CCNYL1: variants seen among roughly 807,000 people sequenced by gnomAD.
CCNYL1 encodes cyclin-Y-like protein 1.
A neutral mutation model predicts 44.2 loss-of-function variants in CCNYL1; 16 were observed. The observed-to-expected ratio is 0.36, with a 90% confidence interval of 0.25 to 0.55. CCNYL1 has a LOEUF of 0.55. CCNYL1 is among the 20% of genes least tolerant of loss of function. The pLI is 0.85. For missense variants in CCNYL1, 348 were observed against 451.8 expected, an observed-to-expected ratio of 0.77 and a Z score of 2.08; for synonymous variants, 159 against 163.2, an observed-to-expected ratio of 0.97 and a Z score of 0.20.
intron 4 of CCNYL1, 37 bp downstream of exon 4, chr2:207,734,084 A>T (rs769200164): frequency 6.0e-6 from 8 of 1,323,644 alleles, no homozygotes; most frequent in Non-Finnish European, 8.7e-6. Flanking sequence ...TGAGTGACAG[A>T]CCCCCTTATG....
intron 7 of CCNYL1, 57 bp from the exon 8 acceptor site, chr2:207,746,990 A>T: frequency 7.2e-7 from 1 of 1,381,596 alleles, no homozygotes; most frequent in Admixed American, 2.1e-5. Flanking sequence ...AAAAAAAAAA[A>T]GCTTATCAAA....
intron 1 of CCNYL1, among the ~76,000 whole-genome samples, chr2:207,716,289 C>T (rs2105816711): frequency 6.6e-6 from 1 of 151,546 alleles, no homozygotes; most frequent in African/African-American, 2.4e-5. Flanking sequence ...TGTGGAAAAA[C>T]CTCTGAGCAA....
chr2:207,729,454 C>T (rs1027464958), intron 3 of CCNYL1, among the ~76,000 whole-genome samples: 6 of 151,890 alleles, frequency 4.0e-5, no homozygotes, highest in African/African-American at 1.5e-4. Flanking sequence ...ATTCCTTTTT[C>T]CTATTGTTTT....
intron 7 of CCNYL1, among the ~76,000 whole-genome samples, chr2:207,744,356 T>G (rs1390642795): frequency 6.6e-6 from 1 of 151,596 alleles, no homozygotes; most frequent in East Asian, 1.9e-4. Context: ...CAGGAAGGTT[T>G]TTTTTGTTTT....
In CCNYL1 at chr2:207,724,741, T is replaced by G. The variant is rs2091666908; in HGVS notation, c.221-59T>G. The G allele has an allele frequency of 4.9e-6, 6 of 1,234,520 alleles. No homozygotes were observed. The East Asian group carries it at 1.4e-4, about 29-fold the overall frequency. The allele number at this position is 1,234,520 out of a possible 1,614,324, so 76.5% of individuals were successfully genotyped here. A position where few individuals can be genotyped will look rare whatever the true frequency, so the allele number is the denominator to read the frequency against. On this transcript the variant is annotated intron_variant, in intron 1 of 9. Transcript: ENST00000295414. ...TGATTAAAATGGATGTGTATCTATT[T>G]CAGAAATCATCTTTTCTACTCACCT...
chr2:207,727,222 C>G (rs868384464), intron 3 of CCNYL1, among the ~76,000 whole-genome samples: 1 of 152,022 alleles, frequency 6.6e-6, no homozygotes, highest in Non-Finnish European at 1.5e-5. Flanking sequence ...TGTTGACTTC[C>G]TGTCATAACA....
At position 207,750,020 on chromosome 2, in the gene CCNYL1, A is replaced by G. The variant is rs6715463; in HGVS notation, c.807-937A>G. On this transcript the variant is annotated intron_variant, in intron 8 of 9. Coordinates refer to ENST00000295414, the MANE Select transcript of CCNYL1 (RefSeq NM_001330218.2). ...TGTTTATTTGCTTAAGCATTTGGCA[A>G]GGGCAGCTGTGTGGTCATGTAGCCG... Among the ~76,000 whole-genome samples the G allele has an allele frequency of 1.9e-3, 289 of 152,260 alleles. 1 individual carries two copies. Among genetic ancestry groups the G allele is most frequent in the African/African-American group, 6.6e-3 (274 of 41,564 alleles).
chr2:207,728,183 C>T lies in CCNYL1; in HGVS notation c.330+1307C>T, dbSNP rs544694978. Among the ~76,000 whole-genome samples, 40 of 151,988 alleles carry T rather than the reference C, an allele frequency of 2.6e-4. No individual in the cohort carries two copies. In the South Asian group the frequency reaches 5.2e-3, roughly 20 times the overall value. On this transcript the variant is annotated intron_variant, in intron 3 of 9. Transcript: ENST00000295414. ...TTCACCATGTTGGCCAGGCTGGTCT[C>T]GAACTCCTGACCTCAGGTGATCTGC... is the stretch of plus-strand genomic sequence containing the variant.
At chr2:207,735,357 C>T (rs942141531) in intron 4 of CCNYL1, among the ~76,000 whole-genome samples, 3 of 152,194 alleles carry the variant, frequency 2.0e-5, no homozygotes, top group South Asian at 2.1e-4. Context: ...GAATCACTTA[C>T]GCAACTTTTT....
chr2:207,711,822 G>T lies in CCNYL1; in HGVS notation c.-75G>T. The T allele has an allele frequency of 4.8e-6, 5 of 1,040,292 alleles. No homozygotes were observed. Among genetic ancestry groups the T allele is most frequent in the African/African-American group, 1.7e-5 (1 of 59,650 alleles). 64.4% of individuals were successfully genotyped at this position (1,040,292 alleles called of 1,614,324 possible). ...CCGGTGCCGGCCGCGCCATTGTTGG[G>T]GGAGGGGGCGGCTGTTGAGGGCGGC... On this transcript the variant is annotated 5_prime_UTR_variant, in exon 1 of 10. Transcript: ENST00000295414.
chr2:207,737,529 ACAT>A, intron 5 of CCNYL1, 83 bp downstream of exon 5: 1 of 1,117,136 alleles, frequency 9.0e-7, no homozygotes, highest in South Asian at 1.4e-5. Flanking sequence ...ATAACTATAG[ACAT>A]CATAAGCTAT....
At chr2:207,732,802 A>G (rs1393122511) in intron 3 of CCNYL1, among the ~76,000 whole-genome samples, 1 of 152,234 alleles carries the variant, frequency 6.6e-6, no homozygotes, top group East Asian at 1.9e-4. Context: ...GAGGGCTCAA[A>G]AAGTTCATAG....
At chr2:207,723,521 A>T (rs1259464819) in intron 1 of CCNYL1, among the ~76,000 whole-genome samples, 1 of 152,152 alleles carries the variant, frequency 6.6e-6, no homozygotes, top group Non-Finnish European at 1.5e-5. Flanking sequence ...TATCGCCTTA[A>T]CTGTTACTCT....
intron 1 of CCNYL1, among the ~76,000 whole-genome samples, chr2:207,722,687 G>T (rs1022942882): frequency 6.6e-6 from 1 of 151,982 alleles, no homozygotes. Context: ...GAGGCTGGGT[G>T]TGGTGGCTCA....
At chr2:207,752,522 A>G (rs1321752004) in intron 9 of CCNYL1, among the ~76,000 whole-genome samples, 1 of 149,742 alleles carries the variant, frequency 6.7e-6, no homozygotes, top group Non-Finnish European at 1.5e-5. Flanking sequence ...CGATAGAGCA[A>G]GACCCTTGTC....
rs549137205 is a variant in CCNYL1 at position 207,741,106 on chromosome 2, T to G, written c.519+400T>G. ...CCGTCTCTACTAAAAATACAAAAAATTAGCCGGGCACGGTGGCAGGCGCCT... is the reference window on the plus strand; with the variant it reads ...CCGTCTCTACTAAAAATACAAAAAAGTAGCCGGGCACGGTGGCAGGCGCCT... On this transcript the variant is annotated intron_variant, in intron 6 of 9. Transcript: ENST00000295414. Among the ~76,000 whole-genome samples the G allele has an allele frequency of 9.4e-4, 142 of 150,980 alleles. 1 individual carries two copies. The highest frequency in any genetic ancestry group is 3.4e-3 in the Middle Eastern group (1 of 294).
chr2:207,743,578 C>G (rs1244959907), intron 7 of CCNYL1, among the ~76,000 whole-genome samples: 1 of 151,900 alleles, frequency 6.6e-6, no homozygotes, highest in Non-Finnish European at 1.5e-5. Flanking sequence ...AGCAAGACCC[C>G]CATCTCTAAA....
intron 3 of CCNYL1, among the ~76,000 whole-genome samples, chr2:207,730,160 T>TC (rs1396027147): frequency 6.6e-6 from 1 of 152,158 alleles, no homozygotes; most frequent in Admixed American, 6.5e-5. Context: ...TAGTTTTTTT[T>TC]CCCATTTCCC....
chr2:207,724,795 T>C lies in CCNYL1; in HGVS notation c.221-5T>C, dbSNP rs1213855800. The stretch of plus-strand genomic sequence containing the variant: ...GTGTCACGTCTTTTTCCTCCTCTTC[T>C]ATAGATTTAGCTTTGGAGTCAAACC... On this transcript the variant is annotated splice_region_variant and splice_polypyrimidine_tract_variant and intron_variant, in intron 1 of 9. Coordinates refer to ENST00000295414, the MANE Select transcript of CCNYL1 (RefSeq NM_001330218.2). The C allele has an allele frequency of 6.2e-7, 1 of 1,610,864 alleles. No homozygotes were observed.
Sources: allele counts gnomAD v4.1 joint callset (sites outside exome capture counted in the v4.1 genomes callset), GRCh38; gene constraint gnomAD v4.1.1; transcripts MANE v1.5; gene names NCBI Gene and HGNC (gene_info 2026-07-23, HGNC 2026-07-21).